The following SAMD4A variants were observed in gnomAD, a reference collection of about 807,000 sequenced individuals.
The protein encoded by SAMD4A is sterile alpha motif domain containing 4A, also known as protein Smaug homolog 1.
Under a neutral mutation model 81.3 loss-of-function variants are expected in SAMD4A, and 33 were observed. The observed-to-expected ratio is 0.41, with a 90% CI of 0.31 to 0.54. The LOEUF (loss-of-function observed/expected upper bound fraction) is 0.54, where lower values mean the gene tolerates loss of function less well. SAMD4A is among the 20% of genes least tolerant of loss of function. The pLI is 0.37. For missense variants in SAMD4A, 854 were observed against 951.1 expected (o/e 0.90, Z 1.34); for synonymous variants, 389 against 382.1 (o/e 1.02, Z -0.21).
intron 2 of SAMD4A, chr14:54,681,698 C>T (rs1157385130): frequency 2.9e-6 from 2 of 699,698 alleles, no homozygotes; most frequent in Non-Finnish European, 3.5e-6. Context: ...TCCTAAAGTA[C>T]TGGGATTACA....
intron 2 of SAMD4A, among the ~76,000 whole-genome samples, chr14:54,602,797 T>A (rs1282859740): frequency 2.0e-5 from 3 of 149,290 alleles, no homozygotes; most frequent in African/African-American, 4.9e-5. Context: ...AAAGTATAAT[T>A]AAAAAAAAAA....
At chr14:54,696,081 C>A (rs1014954457) in intron 2 of SAMD4A, among the ~76,000 whole-genome samples, 26 of 152,112 alleles carry the variant, frequency 1.7e-4, no homozygotes, top group African/African-American at 5.6e-4. Context: ...TTCCCCATCA[C>A]AACTGGTCTA....
chr14:54,694,100 G>A (rs2036519720), intron 2 of SAMD4A: 1 of 152,450 alleles, frequency 6.6e-6, no homozygotes, highest in Non-Finnish European at 1.5e-5. Context: ...AGTAGTAAGG[G>A]TGGAGGCTAG....
chr14:54,696,825 A>G (rs1361730701), intron 2 of SAMD4A: 2 of 152,224 alleles, frequency 1.3e-5, no homozygotes, highest in Non-Finnish European at 2.9e-5. Flanking sequence ...GAACTGTTAC[A>G]TCTCTGCTCC....
At chr14:54,576,285 G>A (rs1184236307) in intron 2 of SAMD4A, among the ~76,000 whole-genome samples, 1 of 152,112 alleles carries the variant, frequency 6.6e-6, no homozygotes, top group African/African-American at 2.4e-5. Flanking sequence ...CCAAACATGT[G>A]ATTTAAACAC....
chr14:54,635,138 T>C (rs2035003270), intron 2 of SAMD4A, among the ~76,000 whole-genome samples: 1 of 152,164 alleles, frequency 6.6e-6, no homozygotes, highest in Non-Finnish European at 1.5e-5. Context: ...TCAAAACTTA[T>C]CCAGCTGGGC....
At chr14:54,618,214 C>T (rs140385899) in intron 2 of SAMD4A, among the ~76,000 whole-genome samples, 111 of 152,220 alleles carry the variant, frequency 7.3e-4, no homozygotes, top group Middle Eastern at 6.8e-3. Context: ...GTGCTGGAGC[C>T]GCCTCCCACC....
At position 54,775,145 on chromosome 14, in the gene SAMD4A, G is replaced by A. The variant is rs950837340; in HGVS notation, c.1917+10G>A. Reference sequence around the variant, plus strand: ...GAAACAAGGAAGACAGGTTTGTTCTGCCCCAAGGAAGGAGGAGGATGGCCA... The same window carrying A: ...GAAACAAGGAAGACAGGTTTGTTCTACCCCAAGGAAGGAGGAGGATGGCCA... On this transcript the variant is annotated intron_variant, in intron 10 of 12. Coordinates refer to ENST00000554335, the MANE Select transcript of SAMD4A (RefSeq NM_015589.6). The A allele has an allele frequency of 1.9e-6, 3 of 1,614,180 alleles. No homozygotes were observed. Among genetic ancestry groups the A allele is most frequent in the Admixed American group, 3.3e-5 (2 of 60,022 alleles).
chr14:54,731,375 A>G (rs1035744288), intron 3 of SAMD4A, among the ~76,000 whole-genome samples: 1 of 152,266 alleles, frequency 6.6e-6, no homozygotes, highest in Admixed American at 6.5e-5. Flanking sequence ...ACAGATGAGT[A>G]AAATTAGCAA....
rs779033376 is a variant in SAMD4A at position 54,748,858 on chromosome 14, C to T, written c.1023C>T (p.Ala341=). Residue 341 remains alanine (A), a synonymous_variant, in exon 5 of 13, where the codon GCC becomes GCT. Coordinates refer to ENST00000554335, the MANE Select transcript of SAMD4A (RefSeq NM_015589.6). ...WLKSLRLHKY[A]ALFSQMTYEE... ...AAAGCCTCCGCCTGCACAAATATGC[C>T]GCGCTTTTCTCCCAGATGACCTATG... 35 of 1,555,316 alleles carry T rather than the reference C, an allele frequency of 2.3e-5. No homozygotes were observed. Among genetic ancestry groups the T allele is most frequent in the Admixed American group, 5.8e-5 (3 of 51,320 alleles).
Position 54,757,625 on chromosome 14 carries a change from C to A in SAMD4A, c.1177-2536C>A, listed in dbSNP as rs1036123779. ...CAGTTGACAGAGTGTCCCAAGCATG[C>A]ATTTGCTCATCCCATTGACAGCAGC... On this transcript the variant is annotated intron_variant, in intron 6 of 12. Coordinates refer to ENST00000554335, the MANE Select transcript of SAMD4A (RefSeq NM_015589.6). Among the ~76,000 whole-genome samples the A allele has an allele frequency of 5.3e-5, 8 of 152,174 alleles. 1 individual carries two copies. The highest frequency in any genetic ancestry group is 3.9e-4 in the Admixed American group (6 of 15,282).
chr14:54,626,328 A>G (rs577113979), intron 2 of SAMD4A, among the ~76,000 whole-genome samples: 89 of 152,292 alleles, frequency 5.8e-4, no homozygotes, highest in Non-Finnish European at 1.1e-3. Flanking sequence ...TAAATTGTCA[A>G]TTGAGATGGT....
intron 3 of SAMD4A, among the ~76,000 whole-genome samples, chr14:54,733,958 C>T (rs1391619132): frequency 1.3e-5 from 2 of 152,200 alleles, no homozygotes; most frequent in Non-Finnish European, 2.9e-5. Flanking sequence ...CCACTGGCCC[C>T]CTCGTCAATT....
upstream of SAMD4A, among the ~76,000 whole-genome samples, chr14:54,566,138 C>T (rs1024923424): frequency 6.6e-6 from 1 of 151,970 alleles, no homozygotes; most frequent in African/African-American, 2.4e-5. Context: ...CTGGAGGCAG[C>T]AGCAGCGGCG....
chr14:54,673,482 C>T (rs2057370), intron 2 of SAMD4A, among the ~76,000 whole-genome samples: 19,165 of 152,256 alleles, frequency 0.13, 1,376 homozygotes, highest in Middle Eastern at 0.2. Context: ...GGTTTTGTGA[C>T]GGCAGCGTCA....
chr14:54,605,193 G>T (rs1284104311), intron 2 of SAMD4A, among the ~76,000 whole-genome samples: 1 of 152,020 alleles, frequency 6.6e-6, no homozygotes, highest in Non-Finnish European at 1.5e-5. Flanking sequence ...ACAGGATGAG[G>T]ATCAGTCAGC....
At chr14:54,726,932 G>A (rs1236775741) in intron 3 of SAMD4A, among the ~76,000 whole-genome samples, 2 of 152,108 alleles carry the variant, frequency 1.3e-5, no homozygotes, top group African/African-American at 4.8e-5. Flanking sequence ...ATTCTATAAA[G>A]TTGTTGTGAA....
intron 4 of SAMD4A, among the ~76,000 whole-genome samples, chr14:54,747,052 A>G (rs924735689): frequency 5.3e-5 from 8 of 152,228 alleles, no homozygotes. Context: ...CTGAGCTGCC[A>G]TGTCCTGGAC....
intron 2 of SAMD4A, among the ~76,000 whole-genome samples, chr14:54,576,339 A>T (rs2033296262): frequency 6.6e-6 from 1 of 152,204 alleles, no homozygotes. Context: ...ACCAGTTTTG[A>T]AATTTTGAAG....
Sources: gnomAD v4.1 joint callset for allele counts (sites outside exome capture counted in the v4.1 genomes callset) on GRCh38, gnomAD v4.1.1 for gene constraint, MANE v1.5 for transcripts, NCBI Gene and HGNC (gene_info 2026-07-23, HGNC 2026-07-21) for gene names.